The following PATJ variants were observed in gnomAD, a reference collection of about 807,000 sequenced individuals.
PATJ encodes PATJ crumbs cell polarity complex component.
A neutral mutation model predicts 224.9 loss-of-function variants in PATJ; 190 were observed. That is an observed-to-expected ratio of 0.84 (90% CI 0.75 to 0.95). The LOEUF is 0.95. Ranked by LOEUF, PATJ falls within the 40% of genes least tolerant of loss-of-function variation. The probability of loss-of-function intolerance (pLI) is 0.00; values close to 1 mark genes in which losing one functional copy is unlikely to be tolerated. For synonymous variants in PATJ, 769 were observed against 820.3 expected (o/e 0.94, Z 1.07); for missense variants, 2,121 against 2,270.3 (o/e 0.93, Z 1.34).
At chr1:61,981,915 C>T (rs973585636) in intron 27 of PATJ, among the ~76,000 whole-genome samples, 1 of 152,046 alleles carries the variant, frequency 6.6e-6, no homozygotes, top group South Asian at 2.1e-4. Context: ...GTGATCCACC[C>T]GCCTTGGCCT....
chr1:61,806,859 A>T (rs1653673391), intron 13 of PATJ, among the ~76,000 whole-genome samples: 1 of 152,024 alleles, frequency 6.6e-6, no homozygotes, highest in Non-Finnish European at 1.5e-5. Context: ...TTTTGTTAAA[A>T]ACATTTTTTA....
At chr1:62,030,792 G>A (rs886323293) in intron 29 of PATJ, among the ~76,000 whole-genome samples, 1 of 152,148 alleles carries the variant, frequency 6.6e-6, no homozygotes, top group African/African-American at 2.4e-5. Context: ...TTTTGTGTCT[G>A]GTTTCTTTCA....
chr1:61,952,540 G>T, intron 27 of PATJ: 1 of 674,498 alleles, frequency 1.5e-6, no homozygotes, highest in Admixed American at 2.1e-5. Context: ...TCTTAAGTAA[G>T]AGAGCGAGGG....
rs937464082 is a variant in PATJ at position 61,811,385 on chromosome 1, C to T, written c.1683+2855C>T. The stretch of plus-strand genomic sequence containing the variant: ...CTGGGATTATAGGTGCCCACCACCA[C>T]GCCTGGCTAATTTTTTCTATTTTTA... On this transcript the variant is annotated intron_variant, in intron 14 of 43. Coordinates refer to ENST00000642238, the MANE Select transcript of PATJ (RefSeq NM_001350145.3). Among the ~76,000 whole-genome samples the T allele has an allele frequency of 5.9e-5, 9 of 151,914 alleles. No homozygotes were observed. The South Asian group carries it at 6.2e-4, about 11-fold the overall frequency.
intron 21 of PATJ, among the ~76,000 whole-genome samples, chr1:61,881,892 C>T (rs1668151933): frequency 6.6e-6 from 1 of 152,134 alleles, no homozygotes; most frequent in South Asian, 2.1e-4. Context: ...GTGGGATGCA[C>T]AATAGATGCG....
chr1:62,011,825 G>A (rs17382499), intron 28 of PATJ, among the ~76,000 whole-genome samples: 24,282 of 151,972 alleles, frequency 0.16, 2,180 homozygotes, highest in Non-Finnish European at 0.21. Context: ...AGAGAAAGGT[G>A]CAGTTGTATG....
intron 4 of PATJ, among the ~76,000 whole-genome samples, chr1:61,766,954 G>T (rs1051007913): frequency 6.6e-6 from 1 of 152,082 alleles, no homozygotes; most frequent in Non-Finnish European, 1.5e-5. Context: ...TTAGCCGGGC[G>T]TGGTGGCAGG....
In PATJ at chr1:61,884,226, T is replaced by G. The variant is rs1286535320; in HGVS notation, c.2960-11T>G. On this transcript the variant is annotated splice_polypyrimidine_tract_variant and intron_variant, in intron 21 of 43. Transcript: ENST00000642238. ...CTCTTGTGTTCACTGTCATCTGGAT[T>G]TGCTCTTCAGGCATGATCCCGAATG... The G allele has an allele frequency of 6.3e-7, 1 of 1,578,316 alleles. No homozygotes were observed. The highest frequency in any genetic ancestry group is 1.9e-5 in the Admixed American group (1 of 53,530).
chr1:62,110,245 C>T (rs1663632983), intron 34 of PATJ, among the ~76,000 whole-genome samples: 1 of 152,150 alleles, frequency 6.6e-6, no homozygotes, highest in Admixed American at 6.6e-5. Flanking sequence ...GAACGTGTTT[C>T]CTTTCTAAAC....
At chr1:61,994,344 G>A (rs1645234695) in intron 28 of PATJ, among the ~76,000 whole-genome samples, 1 of 152,078 alleles carries the variant, frequency 6.6e-6, no homozygotes, top group African/African-American at 2.4e-5. Context: ...AGAGTATCTG[G>A]TACATAGCAA....
intron 17 of PATJ, among the ~76,000 whole-genome samples, chr1:61,841,012 G>T (rs1223021824): frequency 6.6e-6 from 1 of 152,094 alleles, no homozygotes; most frequent in African/African-American, 2.4e-5. Context: ...GACAGATTAA[G>T]TGATAGCAAT....
chr1:62,059,568 G>A (rs1007788377), intron 31 of PATJ, among the ~76,000 whole-genome samples: 1 of 151,842 alleles, frequency 6.6e-6, no homozygotes, highest in African/African-American at 2.4e-5. Context: ...AATGAGCCGA[G>A]ATTGCGCCAG....
intron 28 of PATJ, among the ~76,000 whole-genome samples, chr1:61,992,781 C>T (rs1043459814): frequency 4.6e-5 from 7 of 152,156 alleles, no homozygotes; most frequent in South Asian, 4.1e-4. Flanking sequence ...CAAAATTCAG[C>T]ACTATGTATG....
chr1:61,744,284 CAAAAAAAA>C (rs35247131), intron 1 of PATJ, among the ~76,000 whole-genome samples: 5 of 69,680 alleles, frequency 7.2e-5, no homozygotes, highest in African/African-American at 2.9e-4. Flanking sequence ...AACCCTGTCT[CAAAAAAAA>C]AAAAAAAAAA....
chr1:61,790,739 C>G (rs923897151), intron 8 of PATJ, among the ~76,000 whole-genome samples: 1 of 151,972 alleles, frequency 6.6e-6, no homozygotes, highest in African/African-American at 2.4e-5. Context: ...GTCTCCAACT[C>G]CTGACCTCAG....
intron 41 of PATJ, among the ~76,000 whole-genome samples, chr1:62,147,268 C>T (rs1000145214): frequency 2.0e-5 from 3 of 148,980 alleles, no homozygotes; most frequent in African/African-American, 7.5e-5. Context: ...CTGTGGCCCT[C>T]AGTTAGAGGT....
intron 30 of PATJ, 131 bp from the exon 31 acceptor site, chr1:62,050,835 A>C: frequency 1.5e-6 from 1 of 689,410 alleles, no homozygotes. Flanking sequence ...AAGAAACAGA[A>C]AATACTTCCT....
At chr1:62,031,037 T>C (rs1234201732) in intron 29 of PATJ, among the ~76,000 whole-genome samples, 1 of 152,202 alleles carries the variant, frequency 6.6e-6, no homozygotes, top group Non-Finnish European at 1.5e-5. Context: ...GTAGACACAG[T>C]TATGCTTCAG....
intron 27 of PATJ, among the ~76,000 whole-genome samples, chr1:61,933,953 C>G (rs896089018): frequency 6.8e-6 from 1 of 147,232 alleles, no homozygotes; most frequent in Admixed American, 6.7e-5. Context: ...TTTTTTTTTT[C>G]GAGATGGAGT....
Sources: gnomAD v4.1 joint callset for allele counts (sites outside exome capture counted in the v4.1 genomes callset) on GRCh38, gnomAD v4.1.1 for gene constraint, MANE v1.5 for transcripts, NCBI Gene and HGNC (gene_info 2026-07-23, HGNC 2026-07-21) for gene names.